Variants in SYNDIG1L observed in about 807,000 individuals in gnomAD.
SYNDIG1L encodes synapse differentiation inducing 1 like.
SYNDIG1L carries 13 observed loss-of-function variants against 20.1 expected under a neutral mutation model. The observed-to-expected ratio is 0.65, with a 90% CI of 0.42 to 1.03. The LOEUF (loss-of-function observed/expected upper bound fraction) is 1.03, where lower values mean the gene tolerates loss of function less well. Among genes scored for constraint, SYNDIG1L ranks in the 50% least tolerant of loss-of-function variants. The probability of loss-of-function intolerance (pLI) is 0.00; values close to 1 mark genes in which losing one functional copy is unlikely to be tolerated. For missense variants in SYNDIG1L, 294 were observed against 305.1 expected, an observed-to-expected ratio of 0.96 and a Z score of 0.27; for synonymous variants, 128 against 129.3, an observed-to-expected ratio of 0.99 and a Z score of 0.07.
At chr14:74,479,890 G>A in the SYNDIG1L span, 2 of 1,034,032 alleles carry the variant, frequency 1.9e-6, no homozygotes, top group South Asian at 3.5e-5. Flanking sequence ...GCCTTCCATG[G>A]TTCTAGCAGA....
intron 1 of SYNDIG1L, among the ~76,000 whole-genome samples, chr14:74,413,238 C>T (rs2086146584): frequency 6.6e-6 from 1 of 152,224 alleles, no homozygotes; most frequent in African/African-American, 2.4e-5. Context: ...CCTTTACCAG[C>T]TTTCCTCCTC....
Position 74,409,770 on chromosome 14 carries a change from G to A in SYNDIG1L, c.-26C>T. On this transcript the variant is annotated 5_prime_UTR_variant, in exon 2 of 4. Transcript: ENST00000331628. ...GGTTCTGGGGCAGCTGCTGGGGAGG[G>A]GGGCCTGGGCCAGCTGAGCAGTCCT... is the stretch of plus-strand genomic sequence containing the variant. 7.1e-7 allele frequency: 1 copy of A among 1,415,432 alleles called. No individual in the cohort carries two copies. The highest frequency in any genetic ancestry group is 1.9e-5 in the South Asian group (1 of 51,390). The allele number at this position is 1,415,432 out of a possible 1,614,324, so 87.7% of individuals were successfully genotyped here.
At chr14:74,409,298 G>A in intron 2 of SYNDIG1L, 30 bp downstream of exon 2, 1 of 1,392,176 alleles carries the variant, frequency 7.2e-7, no homozygotes, top group Non-Finnish European at 9.5e-7. Context: ...TGCTCATGCT[G>A]GAATCTGCAT....
At position 74,413,406 on chromosome 14, in the gene SYNDIG1L, C is replaced by T. The variant is rs184442048; in HGVS notation, c.-57-3605G>A. Among the ~76,000 whole-genome samples, 12 of 152,252 alleles carry T rather than the reference C, an allele frequency of 7.9e-5. No homozygotes were observed. The East Asian group carries it at 1.5e-3, about 20-fold the overall frequency. On this transcript the variant is annotated intron_variant, in intron 1 of 3. Transcript: ENST00000331628. ...AATTACTGTGCACAATACAGTTGTACGAGGCCTTCAAACAGGTTTACAAAG... is the reference window on the plus strand; with the variant it reads ...AATTACTGTGCACAATACAGTTGTATGAGGCCTTCAAACAGGTTTACAAAG...
the SYNDIG1L span, among the ~76,000 whole-genome samples, chr14:74,450,192 C>T: frequency 6.6e-6 from 1 of 151,994 alleles, no homozygotes; most frequent in Admixed American, 6.6e-5. Flanking sequence ...ATGAATATTC[C>T]TATATCTATT....
At chr14:74,413,335 A>T (rs1305422681) in intron 1 of SYNDIG1L, among the ~76,000 whole-genome samples, 1 of 152,188 alleles carries the variant, frequency 6.6e-6, no homozygotes, top group Non-Finnish European at 1.5e-5. Context: ...CAATATGAAA[A>T]ACTGGAAGCC....
rs779733798 is a variant in SYNDIG1L, at chr14:74,409,468, C to T, written c.277G>A (p.Glu93Lys). The change falls in exon 2 of 4, where the codon GAG becomes AAG. Residue 93 changes from glutamate (E) to lysine (K), a missense_variant. Transcript: ENST00000331628. ...GGCCCCTCCTGGGGCTCCCTGTCCTCTGTGAAGCTTGTCTCACAGCTGCCT... is the reference window on the plus strand; with the variant it reads ...GGCCCCTCCTGGGGCTCCCTGTCCTTTGTGAAGCTTGTCTCACAGCTGCCT... ...RAGSCETSFT[E>K]DREPQEGPPE... 1.2e-6 allele frequency: 2 copies of T among 1,613,642 alleles called. No individual in the cohort carries two copies. The highest frequency in any genetic ancestry group is 1.7e-6 in the Non-Finnish European group (2 of 1,179,804).
At chr14:74,479,124 A>G in the SYNDIG1L span, 1 of 152,186 alleles carries the variant, frequency 6.6e-6, no homozygotes, top group Non-Finnish European at 1.5e-5. Flanking sequence ...AGGATACACA[A>G]AAGATCTTAG....
the SYNDIG1L span, among the ~76,000 whole-genome samples, chr14:74,457,028 G>A: frequency 2.0e-5 from 3 of 152,256 alleles, no homozygotes; most frequent in South Asian, 4.1e-4. Flanking sequence ...TTGCCACAAC[G>A]GTCTGAGTGT....
At chr14:74,412,017 C>T (rs781517729) in intron 1 of SYNDIG1L, among the ~76,000 whole-genome samples, 17 of 152,198 alleles carry the variant, frequency 1.1e-4, no homozygotes, top group Non-Finnish European at 2.2e-4. Flanking sequence ...CTGTGGCAGA[C>T]GTCTCTCCAC....
At chr14:74,444,942 T>C in the SYNDIG1L span, among the ~76,000 whole-genome samples, 1 of 152,208 alleles carries the variant, frequency 6.6e-6, no homozygotes, top group Non-Finnish European at 1.5e-5. Flanking sequence ...TAATCAGCAA[T>C]GGCAAAAGAA....
chr14:74,407,775 C>T (rs1403586873), intron 3 of SYNDIG1L, 74 bp downstream of exon 3: 3 of 1,576,214 alleles, frequency 1.9e-6, no homozygotes, highest in African/African-American at 1.3e-5. Flanking sequence ...CTGACCCCAT[C>T]CTGCAGACGG....
At chr14:74,422,970 A>T (rs2086235601) in intron 1 of SYNDIG1L, among the ~76,000 whole-genome samples, 1 of 152,108 alleles carries the variant, frequency 6.6e-6, no homozygotes, top group Admixed American at 6.5e-5. Context: ...AAGTGCTGGG[A>T]TTACAGACGT....
At chr14:74,416,937 A>T (rs1289884114) in intron 1 of SYNDIG1L, among the ~76,000 whole-genome samples, 3 of 152,238 alleles carry the variant, frequency 2.0e-5, no homozygotes, top group Admixed American at 1.3e-4. Flanking sequence ...TGCTCACAGC[A>T]CACAGCTGGT....
At chr14:74,441,288 C>G in the SYNDIG1L span, among the ~76,000 whole-genome samples, 2 of 152,258 alleles carry the variant, frequency 1.3e-5, no homozygotes, top group Non-Finnish European at 2.9e-5. Flanking sequence ...ACAAATTAAC[C>G]ACACTCAAAA....
chr14:74,436,450 G>A, the SYNDIG1L span, among the ~76,000 whole-genome samples: 1 of 151,708 alleles, frequency 6.6e-6, no homozygotes. Context: ...TGTTTCCCAG[G>A]CTGGTCTCAA....
In SYNDIG1L at chr14:74,409,812, A is replaced by C; in HGVS notation, c.-57-11T>G. 7.3e-7 allele frequency: 1 copy of C among 1,371,364 alleles called. No homozygotes were observed. The highest frequency in any genetic ancestry group is 1.5e-5 in the African/African-American group (1 of 68,186). The allele number at this position is 1,371,364 out of a possible 1,614,324, so 84.9% of individuals were successfully genotyped here. ...AGCAGTCCTCAGAGCCTGTCAGAAG[A>C]GCAAGACAGACAAGCACTGAGGCCA... On this transcript the variant is annotated splice_polypyrimidine_tract_variant and intron_variant, in intron 1 of 3. Coordinates refer to ENST00000331628, the MANE Select transcript of SYNDIG1L (RefSeq NM_001105579.2).
At chr14:74,408,499 G>C (rs916366633) in intron 2 of SYNDIG1L, among the ~76,000 whole-genome samples, 31 of 151,904 alleles carry the variant, frequency 2.0e-4, no homozygotes, top group Middle Eastern at 6.8e-3. Flanking sequence ...GGGAGGCGGG[G>C]GTTGCAGTGA....
chr14:74,473,109 C>T, the SYNDIG1L span, among the ~76,000 whole-genome samples: 60 of 152,230 alleles, frequency 3.9e-4, no homozygotes, highest in African/African-American at 1.3e-3. Context: ...AGGCTGGGCG[C>T]GGTGGCTCAT....
Sources: gnomAD v4.1 joint callset for allele counts (sites outside exome capture counted in the v4.1 genomes callset) on GRCh38, gnomAD v4.1.1 for gene constraint, MANE v1.5 for transcripts, NCBI Gene and HGNC (gene_info 2026-07-23, HGNC 2026-07-21) for gene names.